PPARGC1B: variants seen among roughly 807,000 people sequenced by gnomAD.
PPARGC1B encodes PPARG coactivator 1 beta.
A neutral mutation model predicts 101.6 loss-of-function variants in PPARGC1B; 34 were observed. The observed-to-expected ratio is 0.33, with a 90% confidence interval of 0.25 to 0.45. The LOEUF (loss-of-function observed/expected upper bound fraction) is 0.45, where lower values mean the gene tolerates loss of function less well. PPARGC1B is among the 20% of genes least tolerant of loss of function. The pLI is 1.00. For missense variants in PPARGC1B, 1,234 were observed against 1,317.6 expected (o/e 0.94, Z 0.98); for synonymous variants, 548 against 539.3 (o/e 1.02, Z -0.22).
At chr5:149,779,831 C>T (rs1756528599) in intron 1 of PPARGC1B, among the ~76,000 whole-genome samples, 1 of 152,174 alleles carries the variant, frequency 6.6e-6, no homozygotes, top group Admixed American at 6.5e-5. Flanking sequence ...GCTGGGGTTG[C>T]CCAGGATGTA....
At chr5:149,843,704 C>T (rs1477510122) in intron 10 of PPARGC1B, among the ~76,000 whole-genome samples, 3 of 152,164 alleles carry the variant, frequency 2.0e-5, no homozygotes, top group Non-Finnish European at 2.9e-5. Flanking sequence ...AAGCTCATAA[C>T]GACATTATTT....
intron 1 of PPARGC1B, among the ~76,000 whole-genome samples, chr5:149,741,068 G>A (rs890613255): frequency 1.3e-5 from 2 of 152,148 alleles, no homozygotes; most frequent in African/African-American, 2.4e-5. Context: ...TGAGTAGCTG[G>A]GACTCAACTG....
At chr5:149,824,374 A>G (rs1052398906) in intron 2 of PPARGC1B, among the ~76,000 whole-genome samples, 2 of 151,804 alleles carry the variant, frequency 1.3e-5, no homozygotes, top group Non-Finnish European at 2.9e-5. Flanking sequence ...TGGTTCATTC[A>G]CTCTTTCATT....
intron 1 of PPARGC1B, among the ~76,000 whole-genome samples, chr5:149,779,069 C>T (rs1756499560): frequency 6.6e-6 from 1 of 152,068 alleles, no homozygotes; most frequent in African/African-American, 2.4e-5. Flanking sequence ...GAGGAGACTC[C>T]TTGAGACAAA....
At position 149,809,853 on chromosome 5, in the gene PPARGC1B, C is replaced by T. The variant is rs555700781; in HGVS notation, c.79-10580C>T. On this transcript the variant is annotated intron_variant, in intron 1 of 11. Coordinates refer to ENST00000309241, the MANE Select transcript of PPARGC1B (RefSeq NM_133263.4). Reference sequence around the variant, plus strand: ...CTAGGTAGGCCAGAGACGGGATGGCCATTTGGGGTGCAGTGGTCAGGGAGG... The same window carrying T: ...CTAGGTAGGCCAGAGACGGGATGGCTATTTGGGGTGCAGTGGTCAGGGAGG... 3.7e-4 allele frequency among the ~76,000 whole-genome samples: 56 copies of T among 152,028 alleles called. 1 individual carries two copies. The South Asian group carries it at 0.011, about 29-fold the overall frequency.
At chr5:149,806,696 C>T (rs1227077104) in intron 1 of PPARGC1B, among the ~76,000 whole-genome samples, 1 of 150,814 alleles carries the variant, frequency 6.6e-6, no homozygotes, top group Non-Finnish European at 1.5e-5. Flanking sequence ...CAACCTCCGC[C>T]TCCTGGGTTC....
At chr5:149,821,672 T>C (rs1481902434) in intron 2 of PPARGC1B, among the ~76,000 whole-genome samples, 2 of 152,206 alleles carry the variant, frequency 1.3e-5, no homozygotes, top group Non-Finnish European at 2.9e-5. Context: ...CCAAGCGTCC[T>C]CCTCATGGAT....
At chr5:149,829,688 GAA>G (rs763013635) in intron 3 of PPARGC1B, among the ~76,000 whole-genome samples, 4 of 122,270 alleles carry the variant, frequency 3.3e-5, no homozygotes, top group Non-Finnish European at 3.5e-5. Flanking sequence ...AGTTTTTATA[GAA>G]AAAAAAAAAA....
At chr5:149,738,713 C>T (rs1754812486) in intron 1 of PPARGC1B, among the ~76,000 whole-genome samples, 1 of 152,134 alleles carries the variant, frequency 6.6e-6, no homozygotes, top group Admixed American at 6.5e-5. Context: ...TCTTCTGCCT[C>T]AGCCTCCCAA....
chr5:149,831,607 C>T (rs1377099771), intron 4 of PPARGC1B, among the ~76,000 whole-genome samples: 4 of 152,222 alleles, frequency 2.6e-5, no homozygotes, highest in South Asian at 2.1e-4. Context: ...TCCACCCTCT[C>T]GTGCCTCATT....
intron 8 of PPARGC1B, among the ~76,000 whole-genome samples, chr5:149,839,291 A>G (rs1759235523): frequency 6.6e-6 from 1 of 152,232 alleles, no homozygotes; most frequent in Non-Finnish European, 1.5e-5. Flanking sequence ...AACTGGCCCA[A>G]GGTCACCCAA....
At chr5:149,827,532 A>G (rs1400950637) in intron 3 of PPARGC1B, among the ~76,000 whole-genome samples, 29 of 152,152 alleles carry the variant, frequency 1.9e-4, no homozygotes, top group Admixed American at 1.9e-3. Context: ...CTTCCTCATT[A>G]CAAGCAGTGG....
At chr5:149,734,637 A>G (rs1237890810) in intron 1 of PPARGC1B, among the ~76,000 whole-genome samples, 2 of 152,202 alleles carry the variant, frequency 1.3e-5, no homozygotes, top group Non-Finnish European at 2.9e-5. Context: ...TTAAGTTCCT[A>G]GAAGTGAAAT....
In PPARGC1B at chr5:149,842,330, A is replaced by C; in HGVS notation, c.2769A>C (p.Glu923Asp). ...CCCGAGAGCTGAAGAGGCGCTTTGA[A>C]GTGTTTGGTGAGATTGAGGAGTGCG... ...MSSRELKRRF[E>D]VFGEIEECEV... Residue 923 changes from glutamate to aspartate, a missense_variant, in exon 10 of 12, where the codon GAA (glutamate) becomes GAC (aspartate). Transcript: ENST00000309241. 3 of 1,614,142 alleles carry C rather than the reference A, an allele frequency of 1.9e-6. No individual in the cohort carries two copies. Among genetic ancestry groups the C allele is most frequent in the Non-Finnish European group, 2.5e-6 (3 of 1,180,026 alleles).
intron 1 of PPARGC1B, among the ~76,000 whole-genome samples, chr5:149,736,001 G>A (rs549775804): frequency 6.6e-6 from 1 of 152,314 alleles, no homozygotes; most frequent in East Asian, 1.9e-4. Context: ...GTGTGTGCCT[G>A]TAATCCCAGC....
chr5:149,850,686 A>G lies in PPARGC1B; in HGVS notation c.*3128A>G, dbSNP rs1759732156. On this transcript the variant is annotated 3_prime_UTR_variant, in exon 12 of 12. Coordinates refer to ENST00000309241, the MANE Select transcript of PPARGC1B (RefSeq NM_133263.4). ...AACCATCTCGTTGTAGCTCTGTCCT[A>G]GTGTTTGCTCTTGATGATGTTTACA... The G allele has an allele frequency of 6.6e-6, 1 of 152,184 alleles. No homozygotes were observed. Among genetic ancestry groups the G allele is most frequent in the Non-Finnish European group, 1.5e-5 (1 of 68,056 alleles). The allele number at this position is 152,184 out of a possible 1,614,324, so 9.4% of individuals were successfully genotyped here. A position where few individuals can be genotyped will look rare whatever the true frequency, so the allele number is the denominator to read the frequency against.
In PPARGC1B at chr5:149,814,467, C is replaced by A. The variant is rs368104118; in HGVS notation, c.79-5966C>A. 5.3e-4 allele frequency among the ~76,000 whole-genome samples: 81 copies of A among 152,202 alleles called. No homozygotes were observed. In the South Asian group the frequency reaches 8.3e-3, roughly 16 times the overall value. On this transcript the variant is annotated intron_variant, in intron 1 of 11. Transcript: ENST00000309241. Reference sequence around the variant, plus strand: ...CCTGTCTGGTTTTATGTTCTCTTTTCCAGAGGGGTCAGTGAGGACCAGAGG... The same window carrying A: ...CCTGTCTGGTTTTATGTTCTCTTTTACAGAGGGGTCAGTGAGGACCAGAGG...
rs1391533477 is a variant in PPARGC1B, at chr5:149,837,893, GC to G, written c.2618+822del. Reference sequence around the variant, plus strand: ...GCTGCTCTTGGGCTAGAGCCCAGCTGCCGAATCCGCTGCAGGATTTGTTGCG... The same window carrying G: ...GCTGCTCTTGGGCTAGAGCCCAGCTGCGAATCCGCTGCAGGATTTGTTGCG... On this transcript the variant is annotated intron_variant, in intron 8 of 11. Transcript: ENST00000309241. The surrounding 1 kb of genome is among the most constrained non-coding windows in gnomAD (Gnocchi z 4.2). Among the ~76,000 whole-genome samples the G allele has an allele frequency of 6.6e-6, 1 of 152,172 alleles. No homozygotes were observed. The highest frequency in any genetic ancestry group is 1.5e-5 in the Non-Finnish European group (1 of 68,030).
At chr5:149,811,387 C>T (rs1581082800) in intron 1 of PPARGC1B, among the ~76,000 whole-genome samples, 1 of 152,242 alleles carries the variant, frequency 6.6e-6, no homozygotes, top group African/African-American at 2.4e-5. Context: ...AGCAGCTCAA[C>T]TTTATTGAAT....
Sources: allele counts gnomAD v4.1 joint callset (sites outside exome capture counted in the v4.1 genomes callset), GRCh38; gene constraint gnomAD v4.1.1; non-coding constraint Gnocchi (gnomAD v3.1); transcripts MANE v1.5; gene names NCBI Gene and HGNC (gene_info 2026-07-23, HGNC 2026-07-21).